OR1J2: variants seen among roughly 807,000 people sequenced by gnomAD.
OR1J2 encodes the protein olfactory receptor family 1 subfamily J member 2.
For missense variants in OR1J2, 304 were observed against 246.1 expected (o/e 1.24, Z -1.57); for synonymous variants, 142 against 99.7 (o/e 1.42, Z -2.52).
chr9:122,473,759 A>G, the OR1J2 span, among the ~76,000 whole-genome samples: 1 of 152,060 alleles, frequency 6.6e-6, no homozygotes, highest in South Asian at 2.1e-4. Context: ...TGGGCATGGG[A>G]CTCTGGATTG....
the OR1J2 span, among the ~76,000 whole-genome samples, chr9:122,536,085 T>C: frequency 6.6e-6 from 1 of 152,186 alleles, no homozygotes; most frequent in African/African-American, 2.4e-5. Context: ...GAACCAGCCA[T>C]CTGGATGTGT....
chr9:122,450,162 G>T, the OR1J2 span, among the ~76,000 whole-genome samples: 1 of 152,086 alleles, frequency 6.6e-6, no homozygotes, highest in East Asian at 1.9e-4. Flanking sequence ...GTGCATGGTG[G>T]CTCATGCCTG....
At chr9:122,533,588 TTTAG>T in the OR1J2 span, among the ~76,000 whole-genome samples, 1 of 151,942 alleles carries the variant, frequency 6.6e-6, no homozygotes, top group Non-Finnish European at 1.5e-5. Context: ...GAACAGATAA[TTTAG>T]TTAAAGTGTC....
the OR1J2 span, among the ~76,000 whole-genome samples, chr9:122,474,900 G>A: frequency 2.6e-5 from 4 of 152,298 alleles, no homozygotes; most frequent in East Asian, 1.9e-4. Context: ...AGTGGACTCC[G>A]TGTCTAAGCA....
At chr9:122,477,001 C>T in the OR1J2 span, 2 of 1,604,466 alleles carry the variant, frequency 1.2e-6, no homozygotes, top group African/African-American at 1.3e-5. Context: ...AGCCACTGCG[C>T]CTGACCTACT....
the OR1J2 span, chr9:122,447,539 T>C: frequency 6.6e-6 from 1 of 152,238 alleles, no homozygotes; most frequent in African/African-American, 2.4e-5. Flanking sequence ...CATACTCAAG[T>C]ATCTCTGTAC....
Position 122,511,427 on chromosome 9 carries a change from T to G in OR1J2, c.626T>G (p.Leu209Arg). 1 of 774,338 alleles carries G rather than the reference T, an allele frequency of 1.3e-6. No homozygotes were observed. The highest frequency in any genetic ancestry group is 2.4e-6 in the Non-Finnish European group (1 of 415,024). 48.0% of individuals were successfully genotyped at this position (774,338 alleles called of 1,614,324 possible). A position where few individuals can be genotyped will look rare whatever the true frequency, so the allele number is the denominator to read the frequency against. The change falls in exon 1 of 1, where the codon CTG (leucine) becomes CGG (arginine). Residue 209 changes from leucine to arginine, a missense_variant. By Grantham distance (102) the Leu-to-Arg change is moderately radical. Coordinates refer to ENST00000335302, the MANE Select transcript of OR1J2 (RefSeq NM_054107.1). Reference sequence around the variant, plus strand: ...ACAGTAGGGGTGGTGGTCATTACCCTGCCATTCATGTGTATCCTGGTATCA... The same window carrying G: ...ACAGTAGGGGTGGTGGTCATTACCCGGCCATTCATGTGTATCCTGGTATCA... The part of the protein sequence containing the change: ...MFTVGVVVIT[L>R]PFMCILVSYG...
At chr9:122,526,753 G>A in the OR1J2 span, 2 of 1,614,148 alleles carry the variant, frequency 1.2e-6, no homozygotes, top group Non-Finnish European at 1.7e-6. Flanking sequence ...TTCAGGACAG[G>A]AGTGATGTCA....
the OR1J2 span, among the ~76,000 whole-genome samples, chr9:122,459,443 A>T: frequency 1.3e-5 from 2 of 152,354 alleles, no homozygotes; most frequent in African/African-American, 4.8e-5. Context: ...TCTTGAAAGG[A>T]CACTTGCCCA....
At chr9:122,486,686 C>G in the OR1J2 span, among the ~76,000 whole-genome samples, 2 of 152,128 alleles carry the variant, frequency 1.3e-5, no homozygotes, top group African/African-American at 4.8e-5. Flanking sequence ...TGGCATTATT[C>G]TCATCTAACC....
chr9:122,527,330 G>C, the OR1J2 span: 1 of 1,333,730 alleles, frequency 7.5e-7, no homozygotes, highest in Non-Finnish European at 1.0e-6. Flanking sequence ...AAGACAGTTA[G>C]AATGCTAGAT....
the OR1J2 span, among the ~76,000 whole-genome samples, chr9:122,535,912 T>G: frequency 6.6e-6 from 1 of 152,016 alleles, no homozygotes; most frequent in Non-Finnish European, 1.5e-5. Flanking sequence ...AAAAGGGGTG[T>G]TGTTCTCTGG....
At chr9:122,574,564 G>A in the OR1J2 span, among the ~76,000 whole-genome samples, 1 of 151,956 alleles carries the variant, frequency 6.6e-6, no homozygotes, top group Non-Finnish European at 1.5e-5. Context: ...TGCTGTAATT[G>A]CTTATTAGTT....
At chr9:122,477,475 A>C in the OR1J2 span, 1 of 1,614,070 alleles carries the variant, frequency 6.2e-7, no homozygotes, top group Non-Finnish European at 8.5e-7. Flanking sequence ...CGCACAAGCG[A>C]TGACCCAGGA....
the OR1J2 span, chr9:122,554,236 C>T: frequency 7.8e-6 from 9 of 1,157,472 alleles, 1 homozygote; most frequent in South Asian, 1.3e-4. Flanking sequence ...AATTCTACTA[C>T]TGTCATGTTG....
the OR1J2 span, among the ~76,000 whole-genome samples, chr9:122,564,583 A>G: frequency 6.6e-6 from 1 of 152,194 alleles, no homozygotes; most frequent in African/African-American, 2.4e-5. Flanking sequence ...TAACTTTCCT[A>G]TTTGGCCTGT....
At chr9:122,485,973 T>G in the OR1J2 span, among the ~76,000 whole-genome samples, 13 of 151,710 alleles carry the variant, frequency 8.6e-5, no homozygotes, top group Admixed American at 8.5e-4. Context: ...TTTTTTTTTT[T>G]TTTTGAGGTG....
chr9:122,553,363 C>A, the OR1J2 span: 4 of 1,613,960 alleles, frequency 2.5e-6, no homozygotes, highest in Non-Finnish European at 3.4e-6. Flanking sequence ...ATTATCCTGG[C>A]CATCAGCTCT....
chr9:122,568,755 C>T, the OR1J2 span: 2 of 324,688 alleles, frequency 6.2e-6, no homozygotes, highest in Non-Finnish European at 1.1e-5. Flanking sequence ...AATTCAGACT[C>T]AGTATTTCCT....
Sources: gnomAD v4.1 joint callset for allele counts (sites outside exome capture counted in the v4.1 genomes callset) on GRCh38, gnomAD v4.1.1 for gene constraint, MANE v1.5 for transcripts, NCBI Gene and HGNC (gene_info 2026-07-23, HGNC 2026-07-21) for gene names.